The following BMPER variants were observed in gnomAD, a reference collection of about 807,000 sequenced individuals.
BMPER encodes the protein BMP-binding endothelial regulator protein.
A neutral mutation model predicts 87.3 loss-of-function variants in BMPER; 45 were observed. The ratio of observed to expected loss-of-function variants is 0.52; its 90% CI spans 0.41 to 0.66. BMPER has a LOEUF of 0.66. BMPER is among the 30% of genes least tolerant of loss of function. The pLI is 0.00. For missense variants in BMPER, 784 were observed against 867.5 expected (o/e 0.90, Z 1.21); for synonymous variants, 326 against 316.2 (o/e 1.03, Z -0.33).
intron 13 of BMPER, among the ~76,000 whole-genome samples, chr7:34,124,449 G>GT (rs34998655): frequency 0.17 from 25,493 of 146,856 alleles, 2,332 homozygotes; most frequent in Non-Finnish European, 0.2. Context: ...GCATTGTAAA[G>GT]TTTTTTTTTT....
At chr7:34,135,149 A>G (rs891653940) in intron 13 of BMPER, among the ~76,000 whole-genome samples, 2 of 152,202 alleles carry the variant, frequency 1.3e-5, no homozygotes, top group Non-Finnish European at 2.9e-5. Flanking sequence ...AGCAATGTAT[A>G]TAAGGTAGGG....
chr7:33,948,601 C>T (rs961781622), intron 3 of BMPER, among the ~76,000 whole-genome samples: 18 of 152,244 alleles, frequency 1.2e-4, no homozygotes, highest in African/African-American at 2.9e-4. Flanking sequence ...ACTGTTCTCA[C>T]GATAGTGAGT....
chr7:34,031,763 C>T (rs1787521195), intron 6 of BMPER, among the ~76,000 whole-genome samples: 1 of 151,344 alleles, frequency 6.6e-6, no homozygotes, highest in South Asian at 2.1e-4. Flanking sequence ...TTCACAACAG[C>T]TTTGCGAGGA....
intron 3 of BMPER, among the ~76,000 whole-genome samples, chr7:33,951,988 A>G (rs1470164308): frequency 6.6e-6 from 1 of 152,200 alleles, no homozygotes; most frequent in Non-Finnish European, 1.5e-5. Context: ...GTTAAAAAAG[A>G]TAATTAAAAC....
At chr7:34,076,902 G>A (rs969731982) in intron 11 of BMPER, among the ~76,000 whole-genome samples, 3 of 152,030 alleles carry the variant, frequency 2.0e-5, no homozygotes, top group South Asian at 2.1e-4. Flanking sequence ...CCAAGCTGAG[G>A]TCCATCTGTA....
At chr7:34,032,977 A>G (rs1562700596) in intron 6 of BMPER, among the ~76,000 whole-genome samples, 1 of 152,194 alleles carries the variant, frequency 6.6e-6, no homozygotes. Flanking sequence ...AAGGCTCAGT[A>G]GATCATACTT....
At chr7:34,049,199 A>G (rs1208782964) in intron 7 of BMPER, among the ~76,000 whole-genome samples, 1 of 152,190 alleles carries the variant, frequency 6.6e-6, no homozygotes, top group Admixed American at 6.5e-5. Flanking sequence ...AGTGCACTCT[A>G]ATTGACACAG....
At position 33,986,327 on chromosome 7, in the gene BMPER, T is replaced by A. The variant is rs537916891; in HGVS notation, c.576+11543T>A. ...TTTTCCTAGGATGTTGTTCTGGGTT[T>A]CAAATTTTAAAGTCCTAGTAGACAG... On this transcript the variant is annotated intron_variant, in intron 6 of 14. Coordinates refer to ENST00000649409, the MANE Select transcript of BMPER (RefSeq NM_001365308.1). 2.0e-5 allele frequency among the ~76,000 whole-genome samples: 3 copies of A among 152,318 alleles called. No homozygotes were observed. In the South Asian group the frequency reaches 6.2e-4, roughly 32 times the overall value.
intron 3 of BMPER, among the ~76,000 whole-genome samples, chr7:33,957,761 A>T (rs1490955460): frequency 6.6e-6 from 1 of 152,206 alleles, no homozygotes; most frequent in Non-Finnish European, 1.5e-5. Flanking sequence ...CTTTCTGTGA[A>T]TCTATATTTC....
At chr7:33,960,755 A>G (rs763074444) in intron 3 of BMPER, among the ~76,000 whole-genome samples, 22 of 152,238 alleles carry the variant, frequency 1.4e-4, no homozygotes, top group Non-Finnish European at 2.8e-4. Context: ...CATACCTAAG[A>G]GAAAACAGGA....
chr7:34,028,283 A>AT (rs901322559), intron 6 of BMPER, among the ~76,000 whole-genome samples: 43 of 151,988 alleles, frequency 2.8e-4, no homozygotes, highest in African/African-American at 7.7e-4. Flanking sequence ...CTTCTCACTA[A>AT]TTTTTTTTGT....
At chr7:34,089,552 C>T (rs1023077777) in intron 13 of BMPER, among the ~76,000 whole-genome samples, 5 of 152,252 alleles carry the variant, frequency 3.3e-5, no homozygotes, top group East Asian at 3.9e-4. Flanking sequence ...GGCGCAATCT[C>T]GGCTCACTGC....
chr7:34,055,606 G>A (rs1788263921), intron 9 of BMPER, among the ~76,000 whole-genome samples: 1 of 152,146 alleles, frequency 6.6e-6, no homozygotes, highest in Non-Finnish European at 1.5e-5. Flanking sequence ...TCATCTCGTT[G>A]GAGATGCTCA....
In BMPER at chr7:34,086,011, G is replaced by A. The variant is rs1366041572; in HGVS notation, c.1664G>A (p.Arg555Gln). The A allele has an allele frequency of 4.3e-6, 7 of 1,613,942 alleles. No individual in the cohort carries two copies. Among genetic ancestry groups the A allele is most frequent in the African/African-American group, 4.0e-5 (3 of 74,878 alleles). The change falls in exon 13 of 15, where the codon CGG (arginine) becomes CAG (glutamine). Residue 555 changes from arginine (R) to glutamine (Q), a missense_variant. Physicochemically the swap from Arg to Gln is conservative, Grantham distance 43 (BLOSUM62 1). Coordinates refer to ENST00000649409, the MANE Select transcript of BMPER (RefSeq NM_001365308.1). ...CAAGGGACAGTCAAGGTAAAGCTCC[G>A]GGCCCATCGAGAATGCCAAAAGCTC... Reference protein sequence around the residue: ...LCQGTVKVKLRAHRECQKLKS... With the variant: ...LCQGTVKVKLQAHRECQKLKS...
Position 34,079,125 on chromosome 7 carries a change from C to G in BMPER, c.1347C>G (p.Cys449Trp). ...ACGGCTCGCGCATCGCGCTCCCCTG[C>G]CGCGCGCCACACTTCCACATCGACC... is the stretch of plus-strand genomic sequence containing the variant. ...RWNGSRIALP[C>W]RAPHFHIDLD... Residue 449 changes from cysteine to tryptophan, a missense_variant, in exon 12 of 15, where the codon TGC becomes TGG. Physicochemically the swap from Cys to Trp is radical, Grantham distance 215. Transcript: ENST00000649409. The G allele has an allele frequency of 6.2e-7, 1 of 1,613,928 alleles. No individual in the cohort carries two copies. Among genetic ancestry groups the G allele is most frequent in the South Asian group, 1.1e-5 (1 of 91,066 alleles).
At chr7:33,935,721 G>A (rs576046215) in intron 2 of BMPER, among the ~76,000 whole-genome samples, 1 of 152,254 alleles carries the variant, frequency 6.6e-6, no homozygotes, top group African/African-American at 2.4e-5. Context: ...CTGCAGGTGT[G>A]GGGTGCAGGT....
chr7:33,987,144 T>C (rs1562670559), intron 6 of BMPER, among the ~76,000 whole-genome samples: 1 of 152,176 alleles, frequency 6.6e-6, no homozygotes, highest in Non-Finnish European at 1.5e-5. Flanking sequence ...TTGCACACAC[T>C]AGATATTCAG....
intron 3 of BMPER, among the ~76,000 whole-genome samples, chr7:33,954,494 T>C (rs1032056084): frequency 5.3e-5 from 8 of 152,206 alleles, no homozygotes; most frequent in African/African-American, 1.9e-4. Flanking sequence ...TATTCATACC[T>C]TGGAAATCAG....
At chr7:33,953,889 G>T (rs767472340) in intron 3 of BMPER, among the ~76,000 whole-genome samples, 15 of 152,208 alleles carry the variant, frequency 9.9e-5, no homozygotes, top group Non-Finnish European at 2.1e-4. Flanking sequence ...TGTATGTGCA[G>T]TCAGACAATA....
Sources: allele counts gnomAD v4.1 joint callset (sites outside exome capture counted in the v4.1 genomes callset), GRCh38; gene constraint gnomAD v4.1.1; transcripts MANE v1.5; gene names NCBI Gene and HGNC (gene_info 2026-07-23, HGNC 2026-07-21).